Variants in TRIM61 observed in about 807,000 individuals in gnomAD.
TRIM61 encodes the protein tripartite motif containing 61.
In TRIM61, 1 loss-of-function variant was observed where a neutral mutation model predicts 14.2. The observed-to-expected ratio is 0.07, with a 90% CI of 0.03 to 0.33. The LOEUF (loss-of-function observed/expected upper bound fraction) is 0.33. TRIM61 is among the 10% of genes least tolerant of loss of function. The pLI, the probability that TRIM61 is intolerant of heterozygous loss-of-function variation, is 0.99. For synonymous variants in TRIM61, 8 were observed against 71.6 expected (o/e 0.11, Z 4.49); for missense variants, 19 against 202.2 (o/e 0.09, Z 5.49).
At chr4:164,957,937 CACA>C (rs1401586020) in intron 3 of TRIM61, 1 of 170,220 alleles carries the variant, frequency 5.9e-6, no homozygotes, top group South Asian at 1.9e-4. Flanking sequence ...AGACTTCTGC[CACA>C]ACATTATGGT....
intron 3 of TRIM61, among the ~76,000 whole-genome samples, chr4:164,965,671 GA>G (rs1022512749): frequency 4.6e-5 from 7 of 152,090 alleles, no homozygotes; most frequent in African/African-American, 7.2e-5. Context: ...CTGGCCTCAT[GA>G]TCTGCCTGCC....
chr4:164,956,829 G>T lies in TRIM61; in HGVS notation c.526-1733C>A, dbSNP rs1005516584. 2.9e-5 allele frequency: 17 copies of T among 594,762 alleles called. No homozygotes were observed. The African/African-American group carries it at 3.0e-4, about 10-fold the overall frequency. 36.8% of individuals were successfully genotyped at this position (594,762 alleles called of 1,614,324 possible). Reference sequence around the variant, plus strand: ...ATGCAACTTTCTCACAGAACACAAGGCTCTCAAGGGGCTTCAGCACCCCAA... The same window carrying T: ...ATGCAACTTTCTCACAGAACACAAGTCTCTCAAGGGGCTTCAGCACCCCAA... On this transcript the variant is annotated intron_variant, in intron 3 of 4. Coordinates refer to ENST00000329314, the MANE Select transcript of TRIM61 (RefSeq NM_001012414.3).
chr4:164,971,626 G>C (rs1191923997), intron 2 of TRIM61, among the ~76,000 whole-genome samples: 3 of 151,188 alleles, frequency 2.0e-5, no homozygotes, highest in Non-Finnish European at 4.4e-5. Context: ...GAGAAAACAT[G>C]AATGTAGCAA....
At chr4:164,967,383 T>C (rs1285253326) in intron 3 of TRIM61, among the ~76,000 whole-genome samples, 1 of 152,222 alleles carries the variant, frequency 6.6e-6, no homozygotes, top group Non-Finnish European at 1.5e-5. Flanking sequence ...CCATCTGTGA[T>C]CTATTGAAAG....
At chr4:164,973,635 A>G (rs1461151295) in intron 2 of TRIM61, among the ~76,000 whole-genome samples, 1 of 152,194 alleles carries the variant, frequency 6.6e-6, no homozygotes, top group African/African-American at 2.4e-5. Context: ...ACTTTTCAGA[A>G]AGTAGGAAAT....
chr4:164,956,127 G>A (rs954436475), intron 3 of TRIM61, among the ~76,000 whole-genome samples: 2 of 152,116 alleles, frequency 1.3e-5, no homozygotes, highest in African/African-American at 4.8e-5. Flanking sequence ...GTGCAGTGGC[G>A]CCATCCTGGC....
At chr4:164,971,222 CTTG>C (rs1732358421) in intron 2 of TRIM61, among the ~76,000 whole-genome samples, 1 of 152,074 alleles carries the variant, frequency 6.6e-6, no homozygotes. Context: ...GTAAAATGCC[CTTG>C]TTGTTAGGAG....
chr4:164,975,681 G>C (rs944012339), intron 2 of TRIM61, among the ~76,000 whole-genome samples: 6 of 151,844 alleles, frequency 4.0e-5, no homozygotes, highest in African/African-American at 7.3e-5. Flanking sequence ...AATGCACTGC[G>C]GAAAGCCACA....
intron 3 of TRIM61, chr4:164,957,155 A>C (rs761636827): frequency 1.2e-6 from 2 of 1,610,826 alleles, no homozygotes; most frequent in Non-Finnish European, 1.7e-6. Context: ...TCTCCCTAAC[A>C]GACCTTATAC....
At chr4:164,963,140 G>C (rs1322976237) in intron 3 of TRIM61, among the ~76,000 whole-genome samples, 1 of 152,306 alleles carries the variant, frequency 6.6e-6, no homozygotes, top group South Asian at 2.1e-4. Flanking sequence ...CAGCTATTCA[G>C]GAGGCTGAGG....
At chr4:164,960,562 A>T (rs2111134699) in intron 3 of TRIM61, among the ~76,000 whole-genome samples, 1 of 152,098 alleles carries the variant, frequency 6.6e-6, no homozygotes, top group Non-Finnish European at 1.5e-5. Context: ...CTCAAAAAAA[A>T]AAAAAGGAAA....
At chr4:164,961,062 A>G (rs924967308) in intron 3 of TRIM61, among the ~76,000 whole-genome samples, 1 of 151,264 alleles carries the variant, frequency 6.6e-6, no homozygotes, top group African/African-American at 2.4e-5. Flanking sequence ...AGGCACACAA[A>G]AAGACAATGT....
chr4:164,962,389 T>TTG (rs147058101), intron 3 of TRIM61, among the ~76,000 whole-genome samples: 11,701 of 146,372 alleles, frequency 0.08, 757 homozygotes, highest in African/African-American at 0.19. Flanking sequence ...CCTGGCTAAT[T>TTG]TGTGTGTGTG....
At chr4:164,976,013 A>C (rs560631945) in intron 2 of TRIM61, among the ~76,000 whole-genome samples, 2 of 152,064 alleles carry the variant, frequency 1.3e-5, no homozygotes, top group South Asian at 4.2e-4. Context: ...GTTATTCTTT[A>C]CTCCGCTGAG....
At chr4:164,966,570 A>G (rs772197412) in intron 3 of TRIM61, among the ~76,000 whole-genome samples, 4 of 152,244 alleles carry the variant, frequency 2.6e-5, no homozygotes, top group Admixed American at 1.3e-4. Flanking sequence ...TTGTAATTCA[A>G]ATAAATCTTG....
chr4:164,958,599 CAGTATT>C (rs528893967), intron 3 of TRIM61: 18 of 167,070 alleles, frequency 1.1e-4, no homozygotes, highest in Admixed American at 3.9e-4. Flanking sequence ...ATCAATAAAA[CAGTATT>C]AGAAATGCCT....
chr4:164,957,259 G>T (rs1266268599), intron 3 of TRIM61: 1 of 1,614,220 alleles, frequency 6.2e-7, no homozygotes. Flanking sequence ...AATCCTGGGA[G>T]AAGCGAATCG....
intron 3 of TRIM61, among the ~76,000 whole-genome samples, chr4:164,967,688 T>C (rs1004385227): frequency 6.6e-6 from 1 of 151,912 alleles, no homozygotes; most frequent in African/African-American, 2.4e-5. Context: ...CTTAGAAATA[T>C]GGAGGTAAAC....
intron 3 of TRIM61, among the ~76,000 whole-genome samples, chr4:164,964,750 T>A (rs1002393101): frequency 6.6e-6 from 1 of 152,086 alleles, no homozygotes; most frequent in Non-Finnish European, 1.5e-5. Flanking sequence ...GAGTGCAGAG[T>A]AGGGATGCTG....
Sources: allele counts gnomAD v4.1 joint callset (sites outside exome capture counted in the v4.1 genomes callset), GRCh38; gene constraint gnomAD v4.1.1; transcripts MANE v1.5; gene names NCBI Gene and HGNC (gene_info 2026-07-23, HGNC 2026-07-21).